SH3D19: variants seen among roughly 807,000 people sequenced by gnomAD.
The protein encoded by SH3D19 is SH3 domain-containing protein 19.
SH3D19 carries 58 observed loss-of-function variants against 112.1 expected under a neutral mutation model. That is an observed-to-expected ratio of 0.52 (90% CI 0.42 to 0.64). The LOEUF (loss-of-function observed/expected upper bound fraction) is 0.64, where lower values mean the gene tolerates loss of function less well. Among genes scored for constraint, SH3D19 ranks in the 30% least tolerant of loss-of-function variants. The pLI, the probability that SH3D19 is intolerant of heterozygous loss-of-function variation, is 0.00. For synonymous variants in SH3D19, 391 were observed against 448.5 expected (o/e 0.87, Z 1.62); for missense variants, 1,090 against 1,263.4 (o/e 0.86, Z 2.08).
intron 9 of SH3D19, among the ~76,000 whole-genome samples, chr4:151,150,184 C>CAAA (rs759365990): frequency 0.071 from 510 of 7,186 alleles, 159 homozygotes; most frequent in Admixed American, 0.087. Context: ...GACTCCATCT[C>CAAA]AAAAAAAAAA....
chr4:151,263,258 A>T (rs1772516806), intron 1 of SH3D19, among the ~76,000 whole-genome samples: 1 of 152,248 alleles, frequency 6.6e-6, no homozygotes, highest in Admixed American at 6.5e-5. Context: ...TGAGGGTTAA[A>T]GGAATCTGGA....
chr4:151,239,714 AAC>A (rs1440217430), intron 1 of SH3D19, among the ~76,000 whole-genome samples: 2 of 152,214 alleles, frequency 1.3e-5, no homozygotes, highest in Non-Finnish European at 2.9e-5. Flanking sequence ...ACAAGTCAAA[AAC>A]ACAGAGATAG....
intron 2 of SH3D19, among the ~76,000 whole-genome samples, chr4:151,219,951 CATAAG>C (rs1215396503): frequency 2.0e-5 from 3 of 152,156 alleles, no homozygotes; most frequent in African/African-American, 4.8e-5. Context: ...TATCTCATGT[CATAAG>C]ATAAATCAAA....
intron 1 of SH3D19, among the ~76,000 whole-genome samples, chr4:151,308,426 C>G (rs1225908600): frequency 6.6e-6 from 1 of 152,230 alleles, no homozygotes; most frequent in African/African-American, 2.4e-5. Flanking sequence ...CCCACAGGCC[C>G]TAGGTCCCAT....
chr4:151,198,336 A>T (rs13127714), intron 2 of SH3D19, among the ~76,000 whole-genome samples: 95,060 of 138,694 alleles, frequency 0.69, 37,495 homozygotes, highest in Non-Finnish European at 0.88. Flanking sequence ...ATAATATAAA[A>T]ATATATATTA....
intron 1 of SH3D19, among the ~76,000 whole-genome samples, chr4:151,255,172 C>T (rs1308625712): frequency 2.7e-5 from 4 of 150,302 alleles, no homozygotes; most frequent in South Asian, 2.1e-4. Flanking sequence ...CGGGCGGAGA[C>T]GCTCCTCACT....
At chr4:151,218,221 A>G (rs924300894) in intron 2 of SH3D19, among the ~76,000 whole-genome samples, 28 of 152,228 alleles carry the variant, frequency 1.8e-4, no homozygotes, top group Admixed American at 4.6e-4. Context: ...GAGCAGGTCT[A>G]TAAGTACAGG....
At chr4:151,265,840 C>T (rs193052797) in intron 1 of SH3D19, among the ~76,000 whole-genome samples, 195 of 152,228 alleles carry the variant, frequency 1.3e-3, no homozygotes, top group African/African-American at 4.5e-3. Flanking sequence ...CCGCCTCAGC[C>T]TTCCAAAGTA....
chr4:151,197,991 C>T (rs1195567067), intron 2 of SH3D19, among the ~76,000 whole-genome samples: 1 of 151,658 alleles, frequency 6.6e-6, no homozygotes, highest in Non-Finnish European at 1.5e-5. Context: ...AGATTTTTTC[C>T]ACATCAGATA....
chr4:151,270,949 G>T (rs1379853440), intron 1 of SH3D19, among the ~76,000 whole-genome samples: 1 of 152,070 alleles, frequency 6.6e-6, no homozygotes, highest in South Asian at 2.1e-4. Context: ...TTGAGACAGG[G>T]TCTCAACTCT....
chr4:151,160,665 ACT>A (rs1756993573), intron 8 of SH3D19, among the ~76,000 whole-genome samples: 1 of 139,768 alleles, frequency 7.2e-6, no homozygotes. Flanking sequence ...GCAGATGAGC[ACT>A]CTGTCTCTTT....
chr4:151,235,060 AT>A (rs1265019208), intron 1 of SH3D19, among the ~76,000 whole-genome samples: 1 of 151,816 alleles, frequency 6.6e-6, no homozygotes, highest in Non-Finnish European at 1.5e-5. Context: ...TCCAACTTTT[AT>A]TTTAGGTTCA....
chr4:151,244,199 AAACAAC>A (rs55872637), intron 1 of SH3D19, among the ~76,000 whole-genome samples: 14 of 151,094 alleles, frequency 9.3e-5, no homozygotes, highest in Admixed American at 2.6e-4. Flanking sequence ...CCCACATCTC[AAACAAC>A]AACAACAACA....
At chr4:151,201,243 G>A (rs1764349483) in intron 2 of SH3D19, among the ~76,000 whole-genome samples, 1 of 152,188 alleles carries the variant, frequency 6.6e-6, no homozygotes, top group African/African-American at 2.4e-5. Flanking sequence ...ACATGTAGAT[G>A]CCATTACAGG....
At chr4:151,315,554 T>C (rs572143102) in intron 1 of SH3D19, among the ~76,000 whole-genome samples, 1 of 152,190 alleles carries the variant, frequency 6.6e-6, no homozygotes, top group African/African-American at 2.4e-5. Flanking sequence ...TCAGATATTT[T>C]GGACAGAATT....
chr4:151,275,247 C>T (rs528232022), intron 1 of SH3D19, among the ~76,000 whole-genome samples: 2 of 152,070 alleles, frequency 1.3e-5, no homozygotes, highest in South Asian at 2.1e-4. Flanking sequence ...CCACTACACC[C>T]GGCTAATTTT....
chr4:151,164,468 T>C (rs1217316360), intron 8 of SH3D19, among the ~76,000 whole-genome samples: 2 of 152,204 alleles, frequency 1.3e-5, no homozygotes, highest in East Asian at 3.9e-4. Context: ...ATATCAGATT[T>C]CTTTTTGAAG....
intron 1 of SH3D19, among the ~76,000 whole-genome samples, chr4:151,234,737 T>G (rs1227756769): frequency 5.2e-4 from 2 of 3,828 alleles, no homozygotes; most frequent in African/African-American, 8.1e-4. Flanking sequence ...AAGTTTGTGT[T>G]TTTTTTTTTT....
At chr4:151,292,613 A>T (rs1363636446) in intron 1 of SH3D19, among the ~76,000 whole-genome samples, 1 of 152,242 alleles carries the variant, frequency 6.6e-6, no homozygotes, top group Non-Finnish European at 1.5e-5. Context: ...CTAGGCTGCC[A>T]GAAACTCAGA....
Sources: gnomAD v4.1 joint callset for allele counts (sites outside exome capture counted in the v4.1 genomes callset) on GRCh38, gnomAD v4.1.1 for gene constraint, MANE v1.5 for transcripts, NCBI Gene and HGNC (gene_info 2026-07-23, HGNC 2026-07-21) for gene names.